Variants in FXYD6 observed in about 807,000 individuals in gnomAD.
FXYD6 encodes FXYD domain containing ion transport regulator 6.
Under a neutral mutation model 16.7 loss-of-function variants are expected in FXYD6, and 7 were observed. The observed-to-expected ratio is 0.42, with a 90% CI of 0.24 to 0.79. The LOEUF is 0.79. Ranked by LOEUF, FXYD6 falls within the 30% of genes least tolerant of loss-of-function variation. The pLI, the probability that FXYD6 is intolerant of heterozygous loss-of-function variation, is 0.28. For missense variants in FXYD6, 111 were observed against 116.2 expected, an observed-to-expected ratio of 0.95 and a Z score of 0.21; for synonymous variants, 49 against 43.0, an observed-to-expected ratio of 1.14 and a Z score of -0.54.
chr11:117,868,206 G>C (rs554179523), intron 1 of FXYD6, among the ~76,000 whole-genome samples: 2 of 152,250 alleles, frequency 1.3e-5, no homozygotes, highest in African/African-American at 4.8e-5. Context: ...GAAAGTGCTG[G>C]CTGATGGTTT....
intron 1 of FXYD6, among the ~76,000 whole-genome samples, chr11:117,868,441 C>T (rs1351612439): frequency 6.6e-6 from 1 of 152,110 alleles, no homozygotes; most frequent in African/African-American, 2.4e-5. Flanking sequence ...ATGAGGAGAA[C>T]ATCGAACAAA....
intron 1 of FXYD6, among the ~76,000 whole-genome samples, chr11:117,875,387 C>T (rs2057235302): frequency 6.6e-6 from 1 of 151,722 alleles, no homozygotes; most frequent in African/African-American, 2.4e-5. Flanking sequence ...GGTCTCCTAG[C>T]CAGGGATAAC....
rs1201430644 is a variant in FXYD6, at chr11:117,870,118, A to G, written c.-6+6474T>C. 1.3e-5 allele frequency among the ~76,000 whole-genome samples: 2 copies of G among 152,210 alleles called. No homozygotes were observed. Among genetic ancestry groups the G allele is most frequent in the Non-Finnish European group, 2.9e-5 (2 of 68,030 alleles). On this transcript the variant is annotated intron_variant, in intron 1 of 7. Coordinates refer to ENST00000526014, the MANE Select transcript of FXYD6 (RefSeq NM_022003.4). This position sits in a 1 kb window ranked among gnomAD's most constrained non-coding sequence, Gnocchi z 4.2. ...ATGGACTTCTCACAACAGCCCTCAG[A>G]AGCAGAAACACAGAACAGTACTGCG...
chr11:117,877,265 G>C (rs899655160), upstream of FXYD6: 3 of 152,310 alleles, frequency 2.0e-5, no homozygotes, highest in African/African-American at 7.2e-5. Context: ...TTTTCAGCTA[G>C]AGCCAGGTGG....
chr11:117,860,469 A>G, intron 1 of FXYD6, among the ~76,000 whole-genome samples: 1 of 152,240 alleles, frequency 6.6e-6, no homozygotes, highest in East Asian at 1.9e-4. Context: ...AGCTTCATAC[A>G]TATTCGTGCG....
chr11:117,842,369 T>C lies in FXYD6; in HGVS notation c.59-341A>G, dbSNP rs1279466383. On this transcript the variant is annotated intron_variant, in intron 2 of 7. Coordinates refer to ENST00000526014, the MANE Select transcript of FXYD6 (RefSeq NM_022003.4). ...GAAACCGAGACCAAGGAAGGACATA[T>C]GACTTGCACGAGGCCAGCACTTGCT... 9.0e-6 allele frequency: 5 copies of C among 555,944 alleles called. No individual in the cohort carries two copies. The South Asian group carries it at 1.1e-4, about 12-fold the overall frequency. 34.4% of individuals were successfully genotyped at this position (555,944 alleles called of 1,614,324 possible). A position where few individuals can be genotyped will look rare whatever the true frequency, so the allele number is the denominator to read the frequency against.
intron 1 of FXYD6, among the ~76,000 whole-genome samples, chr11:117,846,178 T>A (rs1195103200): frequency 6.6e-6 from 1 of 152,248 alleles, no homozygotes; most frequent in Non-Finnish European, 1.5e-5. Flanking sequence ...TACACTGTAA[T>A]AGAGCTGGAC....
At chr11:117,845,761 T>C (rs73593324) in intron 1 of FXYD6, among the ~76,000 whole-genome samples, 1,692 of 152,348 alleles carry the variant, frequency 0.011, 29 homozygotes, top group African/African-American at 0.039. Flanking sequence ...ACCACTCCCA[T>C]AAGAAATACA....
intron 4 of FXYD6, 77 bp from the exon 5 acceptor site, chr11:117,841,261 G>GGAC: frequency 6.2e-7 from 1 of 1,604,006 alleles, no homozygotes. Context: ...GCAGGTTGTG[G>GGAC]GACTATGTAA....
At chr11:117,867,491 T>A (rs2057036534) in intron 1 of FXYD6, among the ~76,000 whole-genome samples, 1 of 152,214 alleles carries the variant, frequency 6.6e-6, no homozygotes, top group Admixed American at 6.5e-5. Flanking sequence ...CTCCTTCCCC[T>A]CTGTGCTGGA....
chr11:117,844,557 C>T (rs1322316129), intron 1 of FXYD6, among the ~76,000 whole-genome samples: 1 of 152,002 alleles, frequency 6.6e-6, no homozygotes, highest in South Asian at 2.1e-4. Flanking sequence ...TGCAATGGTG[C>T]GATCTCGGCT....
intron 5 of FXYD6, 54 bp downstream of exon 5, chr11:117,841,094 C>G (rs2056330231): frequency 6.2e-7 from 1 of 1,611,458 alleles, no homozygotes; most frequent in African/African-American, 1.3e-5. Flanking sequence ...CCAGGGGTCC[C>G]TTCCTGTCCC....
Position 117,838,261 on chromosome 11 carries a change from G to C in FXYD6, c.*38C>G. ...TTTGCATCCAAAGGTTCAAGCAGCC[G>C]CCTCAGGTTCCAGAGGCTGAGGAGG... On this transcript the variant is annotated 3_prime_UTR_variant, in exon 8 of 8. Transcript: ENST00000526014. 2 of 702,542 alleles carry C rather than the reference G, an allele frequency of 2.8e-6. No homozygotes were observed. The highest frequency in any genetic ancestry group is 5.2e-6 in the Non-Finnish European group (2 of 384,988). The allele number at this position is 702,542 out of a possible 1,614,324, so 43.5% of individuals were successfully genotyped here.
In FXYD6 at chr11:117,841,905, G is replaced by T. The variant is rs2056354713; in HGVS notation, c.98-40C>A. On this transcript the variant is annotated intron_variant, in intron 3 of 7. Transcript: ENST00000526014. ...AAGGGTGAGAGAGGAAGGGGCCAGGGAGAGGGTGTCTGTTCCCCCTACCCC... is the reference window on the plus strand; with the variant it reads ...AAGGGTGAGAGAGGAAGGGGCCAGGTAGAGGGTGTCTGTTCCCCCTACCCC... 3 of 1,613,996 alleles carry T rather than the reference G, an allele frequency of 1.9e-6. No individual in the cohort carries two copies. In the East Asian group the frequency reaches 6.7e-5, roughly 36 times the overall value.
intron 1 of FXYD6, among the ~76,000 whole-genome samples, chr11:117,845,300 C>T (rs189655266): frequency 6.6e-6 from 1 of 152,324 alleles, no homozygotes; most frequent in Admixed American, 6.5e-5. Context: ...CAGGGTTCAT[C>T]TACCTTGTAG....
chr11:117,858,652 TTTCTTTC>T (rs2056802737), intron 1 of FXYD6, among the ~76,000 whole-genome samples: 1 of 69,990 alleles, frequency 1.4e-5, no homozygotes, highest in African/African-American at 6.6e-5. Context: ...TCTTTCTTTC[TTTCTTTC>T]TTTCTTTCTT....
In FXYD6 at chr11:117,868,756, T is replaced by C. The variant is rs574283013; in HGVS notation, c.-6+7836A>G. On this transcript the variant is annotated intron_variant, in intron 1 of 7. Transcript: ENST00000526014. Reference sequence around the variant, plus strand: ...AGAAACTGCATGCCAGGGGAGAAAATTGGAACTCATACAATCTGCCCAAGT... The same window carrying C: ...AGAAACTGCATGCCAGGGGAGAAAACTGGAACTCATACAATCTGCCCAAGT... 16 of 152,170 alleles carry C rather than the reference T, an allele frequency of 1.1e-4. 1 individual carries two copies. The South Asian group carries it at 2.3e-3, about 22-fold the overall frequency. The allele number at this position is 152,170 out of a possible 1,614,324, so 9.4% of individuals were successfully genotyped here. A position where few individuals can be genotyped will look rare whatever the true frequency, so the allele number is the denominator to read the frequency against.
At chr11:117,843,559 C>T (rs958332961) in intron 1 of FXYD6, 3 of 152,160 alleles carry the variant, frequency 2.0e-5, no homozygotes, top group African/African-American at 7.2e-5. Flanking sequence ...GCCAGTAAAC[C>T]AGTGTCCCTC....
rs200798894 is a variant in FXYD6, at chr11:117,854,126, C to T, written c.-5-11345G>A. Among the ~76,000 whole-genome samples, 19 of 152,328 alleles carry T rather than the reference C, an allele frequency of 1.2e-4. No individual in the cohort carries two copies. In the East Asian group the frequency reaches 3.3e-3, roughly 26 times the overall value. On this transcript the variant is annotated intron_variant, in intron 1 of 7. Transcript: ENST00000526014. ...AAGTCCCATCTCCAAATTACACCTG[C>T]TCCTTGCTTAGCCAGTGAGGAGGGA...
Sources: allele counts gnomAD v4.1 joint callset (sites outside exome capture counted in the v4.1 genomes callset), GRCh38; gene constraint gnomAD v4.1.1; non-coding constraint Gnocchi (gnomAD v3.1); transcripts MANE v1.5; gene names NCBI Gene and HGNC (gene_info 2026-07-23, HGNC 2026-07-21).